The following PIK3C2G variants were observed in gnomAD, a reference collection of about 807,000 sequenced individuals.
PIK3C2G encodes phosphatidylinositol 3-kinase C2 domain-containing subunit gamma.
In PIK3C2G, 168 loss-of-function variants were observed where a neutral mutation model predicts 181.1. The observed-to-expected ratio is 0.93, with a 90% CI of 0.82 to 1.05. The LOEUF is 1.05. Ranked by LOEUF, PIK3C2G falls within the 50% of genes least tolerant of loss-of-function variation. The pLI is 0.00. For missense variants in PIK3C2G, 1,869 were observed against 1,732.8 expected (o/e 1.08, Z -1.40); for synonymous variants, 573 against 592.2 (o/e 0.97, Z 0.47).
At chr12:18,313,762 ATAT>A (rs1315358417) in intron 5 of PIK3C2G, among the ~76,000 whole-genome samples, 197 bp from the exon 6 acceptor site, 5 of 151,914 alleles carry the variant, frequency 3.3e-5, no homozygotes, top group African/African-American at 4.8e-5. Flanking sequence ...ATTTCCTGTC[ATAT>A]TATTCATTTA....
At chr12:18,722,921 TATA>T in the PIK3C2G span, among the ~76,000 whole-genome samples, 1 of 152,054 alleles carries the variant, frequency 6.6e-6, no homozygotes, top group Non-Finnish European at 1.5e-5. Context: ...TTTTCAATAA[TATA>T]ATGCATTAAA....
chr12:18,510,907 C>G (rs74877712), intron 24 of PIK3C2G, among the ~76,000 whole-genome samples: 2,234 of 152,202 alleles, frequency 0.015, 54 homozygotes, highest in African/African-American at 0.052. Flanking sequence ...TGACTGTAGT[C>G]AACTGATGGA....
intron 3 of PIK3C2G, among the ~76,000 whole-genome samples, chr12:18,287,990 C>G (rs973671089): frequency 6.6e-6 from 1 of 151,900 alleles, no homozygotes; most frequent in African/African-American, 2.4e-5. Flanking sequence ...GGTGAAACCT[C>G]GTCTCTACTA....
At chr12:18,383,941 C>A (rs1943000898) in intron 14 of PIK3C2G, among the ~76,000 whole-genome samples, 1 of 151,386 alleles carries the variant, frequency 6.6e-6, no homozygotes, top group East Asian at 1.9e-4. Context: ...GTAGCTGGAA[C>A]CACAAGTGCA....
chr12:18,450,411 C>A lies in PIK3C2G; in HGVS notation c.2504+26372C>A, dbSNP rs1412790418. On this transcript the variant is annotated intron_variant, in intron 18 of 32. Coordinates refer to ENST00000538779, the MANE Select transcript of PIK3C2G (RefSeq NM_001288772.2). ...AAAGGGCTGGGATCACAGGTGTGAG[C>A]CACCAGTCCTGCCTGTTGTTTGCTT... Among the ~76,000 whole-genome samples, 5 of 152,192 alleles carry A rather than the reference C, an allele frequency of 3.3e-5. 1 individual carries two copies. The highest frequency in any genetic ancestry group is 5.9e-5 in the Non-Finnish European group (4 of 68,028).
chr12:18,650,732 A>ATC (rs1565602811), downstream of PIK3C2G, among the ~76,000 whole-genome samples: 4 of 26,618 alleles, frequency 1.5e-4, no homozygotes, highest in Non-Finnish European at 1.8e-4. Context: ...ATATATATAT[A>ATC]TATATATATA....
chr12:18,468,162 T>C (rs1938101489), intron 18 of PIK3C2G, among the ~76,000 whole-genome samples: 1 of 151,930 alleles, frequency 6.6e-6, no homozygotes, highest in South Asian at 2.1e-4. Context: ...CCTCTGAGAG[T>C]ATATTTCTAT....
At chr12:18,586,274 T>C (rs1426036520) in intron 29 of PIK3C2G, among the ~76,000 whole-genome samples, 1 of 151,974 alleles carries the variant, frequency 6.6e-6, no homozygotes, top group Non-Finnish European at 1.5e-5. Flanking sequence ...AAAGAATCAA[T>C]CAATCTAGGA....
At chr12:18,724,513 G>A in the PIK3C2G span, among the ~76,000 whole-genome samples, 1 of 152,064 alleles carries the variant, frequency 6.6e-6, no homozygotes, top group African/African-American at 2.4e-5. Flanking sequence ...CAGCTTGAAT[G>A]CAAGAAGCAT....
chr12:18,657,685 A>C, the PIK3C2G span, among the ~76,000 whole-genome samples: 1 of 152,202 alleles, frequency 6.6e-6, no homozygotes, highest in Non-Finnish European at 1.5e-5. Context: ...TACTATAATA[A>C]GCAGCAACAA....
intron 22 of PIK3C2G, among the ~76,000 whole-genome samples, chr12:18,500,837 C>A (rs1401630485): frequency 6.6e-6 from 1 of 152,150 alleles, no homozygotes; most frequent in Non-Finnish European, 1.5e-5. Context: ...CCTGCTGCTG[C>A]TCACTCTTTG....
At chr12:18,500,180 G>T (rs1203797607) in intron 22 of PIK3C2G, among the ~76,000 whole-genome samples, 4 of 152,174 alleles carry the variant, frequency 2.6e-5, no homozygotes, top group Admixed American at 1.3e-4. Flanking sequence ...GCTGCGCCCA[G>T]TGCTTGCCGG....
intron 18 of PIK3C2G, among the ~76,000 whole-genome samples, chr12:18,430,143 CCTACA>C (rs1946072781): frequency 6.6e-6 from 1 of 152,108 alleles, no homozygotes; most frequent in Admixed American, 6.5e-5. Context: ...GAGAACCTGA[CCTACA>C]ATAAGTATTT....
chr12:18,679,471 T>G, the PIK3C2G span, among the ~76,000 whole-genome samples: 1 of 151,978 alleles, frequency 6.6e-6, no homozygotes, highest in African/African-American at 2.4e-5. Flanking sequence ...TTTTGTGTAT[T>G]GTGCATTAAG....
intron 16 of PIK3C2G, among the ~76,000 whole-genome samples, chr12:18,400,336 C>G (rs1265227647): frequency 1.3e-5 from 2 of 152,138 alleles, no homozygotes; most frequent in African/African-American, 4.8e-5. Context: ...GCATGGAGCA[C>G]CAGGAAAGGG....
the PIK3C2G span, among the ~76,000 whole-genome samples, chr12:18,668,501 TCTA>T: frequency 6.6e-6 from 1 of 152,154 alleles, no homozygotes; most frequent in Non-Finnish European, 1.5e-5. Context: ...CTGCCTGCCG[TCTA>T]CTACAACTGA....
At chr12:18,700,006 T>A in the PIK3C2G span, 166 of 1,461,510 alleles carry the variant, frequency 1.1e-4, no homozygotes, top group African/African-American at 3.2e-4. Context: ...GGAAAAAAAA[T>A]TTTTTCTAGT....
chr12:18,464,933 C>A (rs576793212), intron 18 of PIK3C2G, among the ~76,000 whole-genome samples: 1 of 151,844 alleles, frequency 6.6e-6, no homozygotes, highest in African/African-American at 2.4e-5. Context: ...CCTTCATTTT[C>A]TGTTTCTTTA....
At chr12:18,371,108 A>C in intron 12 of PIK3C2G, 72 bp from the exon 13 acceptor site, 1 of 1,278,930 alleles carries the variant, frequency 7.8e-7, no homozygotes, top group Non-Finnish European at 1.1e-6. Flanking sequence ...AGACCAGTAC[A>C]TTATAAGAAC....
Sources: gnomAD v4.1 joint callset for allele counts (sites outside exome capture counted in the v4.1 genomes callset) on GRCh38, gnomAD v4.1.1 for gene constraint, MANE v1.5 for transcripts, NCBI Gene and HGNC (gene_info 2026-07-23, HGNC 2026-07-21) for gene names.